Variants in THRA observed in about 807,000 individuals in gnomAD.
THRA encodes thyroid hormone receptor alpha, also known as EAR-7.
In THRA, 13 loss-of-function variants were observed where a neutral mutation model predicts 45.0. The ratio of observed to expected loss-of-function variants is 0.29; its 90% CI spans 0.19 to 0.46. The LOEUF (loss-of-function observed/expected upper bound fraction) is 0.46. Ranked by LOEUF, THRA falls within the 20% of genes least tolerant of loss-of-function variation. The pLI, the probability that THRA is intolerant of heterozygous loss-of-function variation, is 1.00. For synonymous variants in THRA, 195 were observed against 214.0 expected (o/e 0.91, Z 0.78); for missense variants, 278 against 556.1 (o/e 0.50, Z 5.03).
chr17:40,071,428 C>T (rs1986771650), intron 1 of THRA, among the ~76,000 whole-genome samples: 1 of 152,332 alleles, frequency 6.6e-6, no homozygotes, highest in African/African-American at 2.4e-5. Context: ...TGTCCCTGTC[C>T]CCCCATGGCA....
chr17:40,075,102 C>G (rs1233292890), intron 2 of THRA, among the ~76,000 whole-genome samples: 3 of 152,284 alleles, frequency 2.0e-5, no homozygotes, highest in Non-Finnish European at 2.9e-5. Context: ...TGCACGCCAA[C>G]CATGATGGTT....
chr17:40,093,458 G>T (rs1487699754), downstream of THRA: 8 of 1,504,764 alleles, frequency 5.3e-6, no homozygotes, highest in Non-Finnish European at 7.1e-6. The surrounding 1 kb of genome is among the most constrained non-coding windows in gnomAD (Gnocchi z 5.9). Context: ...AGAGCAGGAG[G>T]TGCCTGAAAG....
In THRA at chr17:40,074,197, T is replaced by C. The variant is rs559948668; in HGVS notation, c.-292T>C. ...CCTCTCTCTTCTCTCCACAGGGATC[T>C]CTGGACAGGACAAGACTCCGAAGCT... is the stretch of plus-strand genomic sequence containing the variant. On this transcript the variant is annotated 5_prime_UTR_variant, in exon 2 of 9. Coordinates refer to ENST00000450525, the MANE Select transcript of THRA (RefSeq NM_199334.5). The C allele has an allele frequency of 1.9e-3, 843 of 442,226 alleles. No individual in the cohort carries two copies. The highest frequency in any genetic ancestry group is 2.9e-3 in the Non-Finnish European group (687 of 237,038). The allele number at this position is 442,226 out of a possible 1,614,324, so 27.4% of individuals were successfully genotyped here.
downstream of THRA, chr17:40,093,503 C>T: frequency 4.9e-6 from 7 of 1,424,540 alleles, no homozygotes; most frequent in South Asian, 1.0e-4. This position sits in a 1 kb window ranked among gnomAD's most constrained non-coding sequence, Gnocchi z 5.9. Flanking sequence ...TGGTCACCTC[C>T]CATCCCGTAA....
At chr17:40,065,386 C>T (rs1365944414) in intron 1 of THRA, among the ~76,000 whole-genome samples, 4 of 152,152 alleles carry the variant, frequency 2.6e-5, no homozygotes, top group Non-Finnish European at 2.9e-5. Context: ...AAGAGGCCAT[C>T]GGCTGGCGAG....
In THRA at chr17:40,083,959, T is replaced by C. The variant is rs1394566722; in HGVS notation, c.347T>C (p.Ile116Thr). 2.5e-6 allele frequency: 4 copies of C among 1,613,604 alleles called. No individual in the cohort carries two copies. In the Admixed American group the frequency reaches 6.7e-5, roughly 27 times the overall value. ...CAGCTGTGCCGCTTCAAGAAGTGCA[T>C]CGCCGTGGGCATGGCCATGGACTGT... is the stretch of plus-strand genomic sequence containing the variant. ...QCQLCRFKKC[I>T]AVGMAMDLVL... Residue 116 changes from isoleucine (I) to threonine (T), a missense_variant, in exon 5 of 9, where the codon ATC becomes ACC. Transcript: ENST00000450525.
intron 1 of THRA, among the ~76,000 whole-genome samples, chr17:40,071,692 G>T (rs138860009): frequency 6.6e-6 from 1 of 152,204 alleles, no homozygotes; most frequent in South Asian, 2.1e-4. Context: ...GACTCTGGAG[G>T]AGGGGTGAGA....
chr17:40,063,180 G>A (rs1461313534), intron 1 of THRA, 88 bp downstream of exon 1: 1 of 152,386 alleles, frequency 6.6e-6, no homozygotes, highest in Admixed American at 6.5e-5. Flanking sequence ...CCAGCTCCCA[G>A]GCGGGCTAGG....
At chr17:40,084,350 C>T (rs927909403) in intron 5 of THRA, 15 of 520,008 alleles carry the variant, frequency 2.9e-5, no homozygotes, top group African/African-American at 5.7e-5. Context: ...GCAGGATATT[C>T]GAGTAACCAC....
At chr17:40,074,145 T>G in intron 1 of THRA, 47 bp from the exon 2 acceptor site, 1 of 294,990 alleles carries the variant, frequency 3.4e-6, no homozygotes, top group Admixed American at 4.5e-5. Context: ...CTACCCACCT[T>G]CCTACCGTGA....
At chr17:40,093,385 C>A (rs1453462764), downstream of THRA, 1 of 1,608,520 alleles carries the variant, frequency 6.2e-7, no homozygotes. This position sits in a 1 kb window ranked among gnomAD's most constrained non-coding sequence, Gnocchi z 5.9. Context: ...CTCCCTGAAG[C>A]CCCCCAGAAG....
rs1987528124 is a variant in THRA, at chr17:40,091,243, C to CACACACAT, written c.*1794_*1795insTACACACA. On this transcript the variant is annotated 3_prime_UTR_variant, in exon 9 of 9. Transcript: ENST00000450525. ...TGCCACAGCCCCCTACACACACACACACACACACACACACACACACACACA... is the reference window on the plus strand; with the variant it reads ...TGCCACAGCCCCCTACACACACACACACACACATACACACACACACACACACACACACA... 3 of 132,050 alleles carry CACACACAT rather than the reference C, an allele frequency of 2.3e-5. No homozygotes were observed. The highest frequency in any genetic ancestry group is 1.1e-4 in the African/African-American group (3 of 27,702). The allele number at this position is 132,050 out of a possible 1,614,324, so 8.2% of individuals were successfully genotyped here.
chr17:40,068,357 C>A (rs1461606394), intron 1 of THRA, among the ~76,000 whole-genome samples: 1 of 152,210 alleles, frequency 6.6e-6, no homozygotes, highest in Admixed American at 6.5e-5. Flanking sequence ...TCCTTTTTTC[C>A]CAGGGCCTGG....
chr17:40,093,142 G>T, downstream of THRA: 1 of 1,614,088 alleles, frequency 6.2e-7, no homozygotes, highest in South Asian at 1.1e-5. This position sits in a 1 kb window ranked among gnomAD's most constrained non-coding sequence, Gnocchi z 5.9. Flanking sequence ...TTCAGGGTCC[G>T]CAGGTCCGGC....
intron 1 of THRA, among the ~76,000 whole-genome samples, chr17:40,073,453 G>C (rs1426064846): frequency 2.0e-5 from 3 of 152,188 alleles, no homozygotes; most frequent in Admixed American, 2.0e-4. Flanking sequence ...TGAAGTTCTC[G>C]TGCCCTCTTT....
At chr17:40,093,234 G>A (rs201684407), downstream of THRA, 54 of 1,613,570 alleles carry the variant, frequency 3.3e-5, 1 homozygote, top group Middle Eastern at 6.6e-4. The surrounding 1 kb of genome is among the most constrained non-coding windows in gnomAD (Gnocchi z 5.9). Context: ...CCGCAGCAGC[G>A]TCTCCTGGAG....
At position 40,089,351 on chromosome 17, in the gene THRA, G is replaced by T; in HGVS notation, c.1128G>T (p.Met376Ile). The T allele has an allele frequency of 6.2e-7, 1 of 1,614,114 alleles. No individual in the cohort carries two copies. The highest frequency in any genetic ancestry group is 8.5e-7 in the Non-Finnish European group (1 of 1,180,020). Reference sequence around the variant, plus strand: ...TGATGAAGGTGACTGACCTCCGCATGATCGGGGCCTGCCACGCCAGCCGCT... The same window carrying T: ...TGATGAAGGTGACTGACCTCCGCATTATCGGGGCCTGCCACGCCAGCCGCT... ...KLLMKVTDLR[M>I]IGACHASRFL... Residue 376 changes from methionine to isoleucine, a missense_variant, in exon 9 of 9, where the codon ATG becomes ATT. Met to Ile is a conservative substitution (Grantham distance 10). Transcript: ENST00000450525. The surrounding 1 kb of genome is among the most constrained non-coding windows in gnomAD (Gnocchi z 6.1).
Position 40,092,895 on chromosome 17 carries a change from G to A in THRA, c.*3439G>A, listed in dbSNP as rs1987636686. The A allele has an allele frequency of 1.4e-6, 2 of 1,385,106 alleles. No individual in the cohort carries two copies. The highest frequency in any genetic ancestry group is 1.5e-5 in the African/African-American group (1 of 68,472). 85.8% of individuals were successfully genotyped at this position (1,385,106 alleles called of 1,614,324 possible). A position where few individuals can be genotyped will look rare whatever the true frequency, so the allele number is the denominator to read the frequency against. On this transcript the variant is annotated 3_prime_UTR_variant, in exon 9 of 9. Coordinates refer to ENST00000450525, the MANE Select transcript of THRA (RefSeq NM_199334.5). ...TGGTTTAAATAGGGGAGGAGGGGAAGTTCGGTGATGGGGGAGGGAGGCAGG... is the reference window on the plus strand; with the variant it reads ...TGGTTTAAATAGGGGAGGAGGGGAAATTCGGTGATGGGGGAGGGAGGCAGG...
At chr17:40,069,081 T>A (rs548523350) in intron 1 of THRA, 1 of 147,894 alleles carries the variant, frequency 6.8e-6, no homozygotes, top group East Asian at 2.1e-4. Context: ...GCTCTCTCCC[T>A]CCCTCTCTCC....
Sources: allele counts gnomAD v4.1 joint callset (sites outside exome capture counted in the v4.1 genomes callset), GRCh38; gene constraint gnomAD v4.1.1; non-coding constraint Gnocchi (gnomAD v3.1); transcripts MANE v1.5; gene names NCBI Gene and HGNC (gene_info 2026-07-23, HGNC 2026-07-21).